The following PPP5C variants were observed in gnomAD, a reference collection of about 807,000 sequenced individuals.
PPP5C encodes the protein serine/threonine-protein phosphatase 5.
Under a neutral mutation model 66.7 loss-of-function variants are expected in PPP5C, and 21 were observed. The ratio of observed to expected loss-of-function variants is 0.31; its 90% CI spans 0.22 to 0.45. The LOEUF (loss-of-function observed/expected upper bound fraction) is 0.45, where lower values mean the gene tolerates loss of function less well. Among genes scored for constraint, PPP5C ranks in the 20% least tolerant of loss-of-function variants. The pLI, the probability that PPP5C is intolerant of heterozygous loss-of-function variation, is 1.00. For missense variants in PPP5C, 464 were observed against 675.9 expected, an observed-to-expected ratio of 0.69 and a Z score of 3.48; for synonymous variants, 246 against 257.4, an observed-to-expected ratio of 0.96 and a Z score of 0.43.
At chr19:46,369,334 C>G in intron 2 of PPP5C, among the ~76,000 whole-genome samples, 1 of 152,164 alleles carries the variant, frequency 6.6e-6, no homozygotes, top group Non-Finnish European at 1.5e-5. Flanking sequence ...ATTTATGCAT[C>G]TGAACGTAGA....
In PPP5C at chr19:46,390,598, C is replaced by G; in HGVS notation, c.*252C>G. 1 of 1,365,778 alleles carries G rather than the reference C, an allele frequency of 7.3e-7. No individual in the cohort carries two copies. Among genetic ancestry groups the G allele is most frequent in the Non-Finnish European group, 9.5e-7 (1 of 1,055,024 alleles). 84.6% of individuals were successfully genotyped at this position (1,365,778 alleles called of 1,614,324 possible). ...GGGCTGGGGGCACAGCCTGGGCATT[C>G]TGTGGGGAGGCCGTCCTCGGGGTGG... On this transcript the variant is annotated 3_prime_UTR_variant, in exon 13 of 13. Transcript: ENST00000012443.
chr19:46,380,019 T>C (rs1972763284), intron 4 of PPP5C, among the ~76,000 whole-genome samples: 1 of 152,266 alleles, frequency 6.6e-6, no homozygotes, highest in Non-Finnish European at 1.5e-5. Flanking sequence ...TATAAGAATC[T>C]TATGGCCTGG....
At chr19:46,374,206 G>A (rs542685225) in intron 2 of PPP5C, among the ~76,000 whole-genome samples, 160 of 152,290 alleles carry the variant, frequency 1.1e-3, no homozygotes, top group African/African-American at 3.1e-3. Context: ...TTCTCACCCC[G>A]CTTGGCGCAC....
chr19:46,354,205 G>A (rs1417461139), intron 2 of PPP5C, among the ~76,000 whole-genome samples: 2 of 152,184 alleles, frequency 1.3e-5, no homozygotes, highest in Non-Finnish European at 2.9e-5. Context: ...ACCCCGCCTC[G>A]CCACACCTTC....
chr19:46,375,860 C>T (rs1972685952), intron 3 of PPP5C, 109 bp downstream of exon 3: 3 of 1,454,328 alleles, frequency 2.1e-6, no homozygotes, highest in Non-Finnish European at 1.8e-6. Flanking sequence ...GTTCTGTCCC[C>T]AGGCTGGTGT....
intron 2 of PPP5C, among the ~76,000 whole-genome samples, chr19:46,358,409 C>G (rs770243803): frequency 3.9e-5 from 6 of 152,182 alleles, no homozygotes; most frequent in Admixed American, 6.5e-5. Context: ...ATGGCTCCCC[C>G]CTTTCAGGCA....
At chr19:46,374,680 G>A (rs986728436) in intron 2 of PPP5C, among the ~76,000 whole-genome samples, 4 of 152,178 alleles carry the variant, frequency 2.6e-5, no homozygotes, top group African/African-American at 9.7e-5. Context: ...GGTCATCAGC[G>A]CAGCAGCCCC....
chr19:46,362,135 G>A (rs550063608), intron 2 of PPP5C, among the ~76,000 whole-genome samples: 3 of 152,078 alleles, frequency 2.0e-5, no homozygotes, highest in Admixed American at 6.6e-5. Flanking sequence ...TAGACGTTCT[G>A]TATACAGAAT....
At position 46,375,742 on chromosome 19, in the gene PPP5C, G is replaced by A. The variant is rs771245335; in HGVS notation, c.502G>A (p.Glu168Lys). ...KRSVVDSLDI[E>K]SMTIEDEYSG... The stretch of plus-strand genomic sequence containing the variant: ...CTCCGTGGTGGACTCGCTGGACATC[G>A]AGAGCATGAGTGAGTCAGGCCTGGA... The change falls in exon 3 of 13, where the codon GAG (glutamate) becomes AAG (lysine). Residue 168 changes from glutamate (E) to lysine (K), a missense_variant. Glu to Lys is a moderately conservative substitution (Grantham distance 56). Around this residue, in one of 2 missense-constraint regions of PPP5C, gnomAD observed 387 missense variants for 626.0 expected, o/e 0.62. Coordinates refer to ENST00000012443, the MANE Select transcript of PPP5C (RefSeq NM_006247.4). 26 of 1,598,910 alleles carry A rather than the reference G, an allele frequency of 1.6e-5. No homozygotes were observed. Among genetic ancestry groups the A allele is most frequent in the South Asian group, 9.0e-5 (8 of 88,878 alleles).
intron 4 of PPP5C, among the ~76,000 whole-genome samples, chr19:46,379,100 G>GTAGA (rs1972745989): frequency 6.6e-6 from 1 of 152,152 alleles, no homozygotes; most frequent in Non-Finnish European, 1.5e-5. Context: ...TGTCACCAGG[G>GTAGA]TAGAGTGCAG....
intron 2 of PPP5C, among the ~76,000 whole-genome samples, chr19:46,359,166 C>T (rs896827673): frequency 3.3e-5 from 5 of 151,966 alleles, no homozygotes; most frequent in Non-Finnish European, 7.4e-5. Context: ...GGAGATGGCT[C>T]AGTGAGGAAT....
chr19:46,389,413 A>AGAGTGTTGATC (rs1568579913), intron 11 of PPP5C, among the ~76,000 whole-genome samples: 3 of 45,414 alleles, frequency 6.6e-5, no homozygotes, highest in African/African-American at 7.0e-5. Flanking sequence ...ACACACACAC[A>AGAGTGTTGATC]CACACACACA....
chr19:46,375,478 C>T, intron 2 of PPP5C, 126 bp from the exon 3 acceptor site: 9 of 1,395,648 alleles, frequency 6.4e-6, no homozygotes, highest in Non-Finnish European at 8.7e-6. Context: ...TAGGGTTGCA[C>T]CATCAGCACC....
At chr19:46,379,862 C>G (rs1347277318) in intron 4 of PPP5C, among the ~76,000 whole-genome samples, 1 of 152,168 alleles carries the variant, frequency 6.6e-6, no homozygotes, top group East Asian at 1.9e-4. Flanking sequence ...CTTGGGAGAA[C>G]TGAGCAGATA....
chr19:46,373,818 T>C (rs1260272098), intron 2 of PPP5C, among the ~76,000 whole-genome samples: 1 of 152,146 alleles, frequency 6.6e-6, no homozygotes, highest in Admixed American at 6.5e-5. Context: ...AGGGGGTGCC[T>C]GACCCAGCCT....
In PPP5C at chr19:46,361,523, G is replaced by A. The variant is rs1424384009; in HGVS notation, c.363+7534G>A. On this transcript the variant is annotated intron_variant, in intron 2 of 12. Coordinates refer to ENST00000012443, the MANE Select transcript of PPP5C (RefSeq NM_006247.4). ...GCACTTTGGGAGACTGAGGCAGGCGGATCATGAGGTCAAGAGATCGAGACC... is the reference window on the plus strand; with the variant it reads ...GCACTTTGGGAGACTGAGGCAGGCGAATCATGAGGTCAAGAGATCGAGACC... 1.3e-4 allele frequency among the ~76,000 whole-genome samples: 18 copies of A among 143,686 alleles called. No individual in the cohort carries two copies. In the East Asian group the frequency reaches 3.8e-3, roughly 30 times the overall value. The allele number at this position is 143,686 out of a possible 152,430, so 94.3% of individuals were successfully genotyped here. A position where few individuals can be genotyped will look rare whatever the true frequency, so the allele number is the denominator to read the frequency against.
rs1460188327 is a variant in PPP5C at position 46,389,432 on chromosome 19, CACACACACACACACACACACACACACA to C, written c.1356-618_1356-592del. 2.3e-4 allele frequency among the ~76,000 whole-genome samples: 18 copies of C among 76,872 alleles called. 1 individual carries two copies. The highest frequency in any genetic ancestry group is 8.3e-4 in the African/African-American group (16 of 19,292). 50.4% of individuals were successfully genotyped at this position (76,872 alleles called of 152,430 possible). A position where few individuals can be genotyped will look rare whatever the true frequency, so the allele number is the denominator to read the frequency against. ...ACACACACACACACACACACACACA[CACACACACACACACACACACACACACA>C]CAGTGTTGATCCCTTGCCCCCACCC... is the stretch of plus-strand genomic sequence containing the variant. On this transcript the variant is annotated intron_variant, in intron 11 of 12. Coordinates refer to ENST00000012443, the MANE Select transcript of PPP5C (RefSeq NM_006247.4).
chr19:46,363,781 G>A (rs1485149602), intron 2 of PPP5C, among the ~76,000 whole-genome samples: 3 of 152,130 alleles, frequency 2.0e-5, no homozygotes, highest in Admixed American at 1.3e-4. Flanking sequence ...TTTGTATCAT[G>A]TAGATAATAT....
intron 11 of PPP5C, 52 bp from the exon 12 acceptor site, chr19:46,389,999 C>A: frequency 6.4e-7 from 1 of 1,561,302 alleles, no homozygotes; most frequent in Non-Finnish European, 8.8e-7. Context: ...TCTTAACCCA[C>A]CAGCCCCACC....
Sources: gnomAD v4.1 joint callset for allele counts (sites outside exome capture counted in the v4.1 genomes callset) on GRCh38, gnomAD v4.1.1 for gene constraint, gnomAD v4.1.1 regional missense constraint, MANE v1.5 for transcripts, NCBI Gene and HGNC (gene_info 2026-07-23, HGNC 2026-07-21) for gene names.